Variants in FMN1 observed in about 807,000 individuals in gnomAD.
FMN1 encodes formin 1, also known as formin-1.
Under a neutral mutation model 132.4 loss-of-function variants are expected in FMN1, and 110 were observed. The observed-to-expected ratio is 0.83, with a 90% confidence interval of 0.71 to 0.97. FMN1 has a LOEUF of 0.97. FMN1 is among the 50% of genes least tolerant of loss of function. The pLI, the probability that FMN1 is intolerant of heterozygous loss-of-function variation, is 0.00. For synonymous variants in FMN1, 722 were observed against 651.7 expected (o/e 1.11, Z -1.64); for missense variants, 1,792 against 1,705.3 (o/e 1.05, Z -0.90).
intron 4 of FMN1, 111 bp downstream of exon 4, chr15:33,152,937 C>A (rs1447200057): frequency 6.5e-6 from 7 of 1,083,962 alleles, no homozygotes; most frequent in Non-Finnish European, 9.0e-6. Context: ...AAGTAATAGG[C>A]CTAGGAATTT....
intron 15 of FMN1, among the ~76,000 whole-genome samples, chr15:32,898,163 T>A (rs2060204976): frequency 6.6e-6 from 1 of 152,220 alleles, no homozygotes; most frequent in African/African-American, 2.4e-5. Flanking sequence ...TAGGAACAAT[T>A]ATGCTTACAT....
chr15:32,785,198 GTGTA>G (rs1448284838), intron 19 of FMN1, among the ~76,000 whole-genome samples: 1 of 27,584 alleles, frequency 3.6e-5, no homozygotes, highest in African/African-American at 1.3e-4. Context: ...GTGTGTGTGT[GTGTA>G]TATATATATA....
At chr15:33,148,070 A>G (rs1210861399) in intron 4 of FMN1, among the ~76,000 whole-genome samples, 1 of 152,104 alleles carries the variant, frequency 6.6e-6, no homozygotes, top group East Asian at 1.9e-4. Flanking sequence ...GAAAGGTCAC[A>G]TGAGAAAGAA....
At position 33,036,292 on chromosome 15, in the gene FMN1, T is replaced by C. The variant is rs2036189068; in HGVS notation, c.2162-28217A>G. Among the ~76,000 whole-genome samples, 3 of 147,774 alleles carry C rather than the reference T, an allele frequency of 2.0e-5. No homozygotes were observed. In the Admixed American group the frequency reaches 2.1e-4, roughly 10 times the overall value. ...TGTGTAGGAGATACTCAAGCAATAC[T>C]TCTTAATAAATGTATACACTTGAAA... is the stretch of plus-strand genomic sequence containing the variant. On this transcript the variant is annotated intron_variant, in intron 6 of 20. Transcript: ENST00000616417.
chr15:32,897,453 G>C (rs1181712864), intron 15 of FMN1, among the ~76,000 whole-genome samples: 1 of 152,126 alleles, frequency 6.6e-6, no homozygotes, highest in Non-Finnish European at 1.5e-5. Context: ...GAGAAAAAAA[G>C]GAAGTTTTAT....
At chr15:32,978,222 T>C (rs868508080) in intron 7 of FMN1, among the ~76,000 whole-genome samples, 30 of 152,082 alleles carry the variant, frequency 2.0e-4, no homozygotes, top group African/African-American at 6.8e-4. Flanking sequence ...AATCAGCAAA[T>C]ATAACCATGG....
At chr15:32,930,642 T>C (rs1033981347) in intron 9 of FMN1, among the ~76,000 whole-genome samples, 4 of 152,100 alleles carry the variant, frequency 2.6e-5, no homozygotes, top group Admixed American at 1.3e-4. Flanking sequence ...TTTTACTCCG[T>C]TGATTGTTTC....
At position 32,901,926 on chromosome 15, in the gene FMN1, G is replaced by A. The variant is rs750446513; in HGVS notation, c.3492C>T (p.Ile1164=). The stretch of plus-strand genomic sequence containing the variant: ...GTAAACATACCTTAGAAGCTCGCGT[G>A]ATGATCTCTACCTTTCTGTGCAAGG... The part of the protein sequence containing the change: ...ITSLHRKVEI[I]TRASKDLLHV... Residue 1164 remains isoleucine, a synonymous_variant, in exon 13 of 21, where the codon ATC becomes ATT. Transcript: ENST00000616417. 1.2e-6 allele frequency: 2 copies of A among 1,608,894 alleles called. No individual in the cohort carries two copies. The highest frequency in any genetic ancestry group is 2.7e-5 in the African/African-American group (2 of 74,640).
At chr15:32,954,379 C>G (rs1318384608) in intron 9 of FMN1, among the ~76,000 whole-genome samples, 1 of 152,188 alleles carries the variant, frequency 6.6e-6, no homozygotes, top group Admixed American at 6.5e-5. Context: ...GTGTAATACC[C>G]TCATCTATCT....
At chr15:32,802,879 C>T (rs1302149899) in intron 18 of FMN1, among the ~76,000 whole-genome samples, 1 of 152,146 alleles carries the variant, frequency 6.6e-6, no homozygotes, top group Non-Finnish European at 1.5e-5. Flanking sequence ...ACACAAACTC[C>T]TAAAAACATA....
At chr15:32,854,345 G>A (rs2059076310) in intron 17 of FMN1, among the ~76,000 whole-genome samples, 2 of 152,202 alleles carry the variant, frequency 1.3e-5, no homozygotes, top group South Asian at 2.1e-4. Flanking sequence ...GACAAAATGA[G>A]TTAAGTAATG....
chr15:33,127,167 C>T (rs1963165086), intron 4 of FMN1, among the ~76,000 whole-genome samples: 2 of 134,158 alleles, frequency 1.5e-5, no homozygotes, highest in East Asian at 6.9e-4. Context: ...TTCTCTCAAA[C>T]AGAGAGGAGG....
intron 5 of FMN1, among the ~76,000 whole-genome samples, chr15:33,083,469 G>A (rs1038397647): frequency 8.5e-5 from 13 of 152,120 alleles, no homozygotes; most frequent in African/African-American, 3.1e-4. Context: ...CTCACCTCCA[G>A]GAGGGTAGAG....
At chr15:33,033,714 T>C (rs1208508839) in intron 6 of FMN1, among the ~76,000 whole-genome samples, 3 of 151,838 alleles carry the variant, frequency 2.0e-5, no homozygotes, top group Non-Finnish European at 4.4e-5. Context: ...CAAAGTCACC[T>C]ACATACTGTC....
chr15:32,868,193 A>G (rs1029661691), intron 16 of FMN1, among the ~76,000 whole-genome samples: 4 of 152,222 alleles, frequency 2.6e-5, no homozygotes. Flanking sequence ...GTGATGATGT[A>G]GCCTTTGTAA....
At chr15:32,931,046 C>T (rs1338806140) in intron 9 of FMN1, among the ~76,000 whole-genome samples, 1 of 151,986 alleles carries the variant, frequency 6.6e-6, no homozygotes, top group Non-Finnish European at 1.5e-5. Flanking sequence ...GTTCTATTGG[C>T]CTATAATGTC....
intron 4 of FMN1, among the ~76,000 whole-genome samples, chr15:33,127,134 A>C (rs1036765420): frequency 4.6e-5 from 7 of 152,158 alleles, no homozygotes; most frequent in African/African-American, 1.7e-4. Flanking sequence ...GTTAACAAGC[A>C]GTAGCAGACT....
intron 4 of FMN1, among the ~76,000 whole-genome samples, chr15:33,128,687 C>G (rs1348855816): frequency 6.6e-6 from 1 of 152,198 alleles, no homozygotes; most frequent in Non-Finnish European, 1.5e-5. Flanking sequence ...TCACTGACTT[C>G]ACGAATAAAC....
chr15:32,861,431 A>G (rs974868105), intron 16 of FMN1, among the ~76,000 whole-genome samples: 2 of 152,170 alleles, frequency 1.3e-5, no homozygotes, highest in African/African-American at 4.8e-5. Flanking sequence ...GGGGGTGGTA[A>G]AGAGCTTGTG....
Sources: allele counts gnomAD v4.1 joint callset (sites outside exome capture counted in the v4.1 genomes callset), GRCh38; gene constraint gnomAD v4.1.1; transcripts MANE v1.5; gene names NCBI Gene and HGNC (gene_info 2026-07-23, HGNC 2026-07-21).